Variants in AFF3 observed in about 807,000 individuals in gnomAD.
AFF3 encodes the protein AF4/FMR2 family member 3.
Under a neutral mutation model 129.7 loss-of-function variants are expected in AFF3, and 32 were observed. That is an observed-to-expected ratio of 0.25 (90% CI 0.19 to 0.33). The LOEUF is 0.33. AFF3 is among the 10% of genes least tolerant of loss of function. The probability of loss-of-function intolerance (pLI) is 1.00; values close to 1 mark genes in which losing one functional copy is unlikely to be tolerated. For missense variants in AFF3, 1,373 were observed against 1,592.0 expected (o/e 0.86, Z 2.34); for synonymous variants, 644 against 635.4 (o/e 1.01, Z -0.20).
At chr2:100,005,790 C>G (rs916762613) in intron 7 of AFF3, among the ~76,000 whole-genome samples, 1 of 152,050 alleles carries the variant, frequency 6.6e-6, no homozygotes, top group Admixed American at 6.6e-5. Context: ...TCAGCCTTGT[C>G]AAAAATGCAA....
intron 7 of AFF3, among the ~76,000 whole-genome samples, chr2:99,980,917 T>C (rs779864285): frequency 3.3e-5 from 5 of 152,232 alleles, no homozygotes; most frequent in Non-Finnish European, 5.9e-5. Flanking sequence ...TTTATAAAAT[T>C]GGGATCATCC....
At chr2:100,111,045 G>A (rs1471630704) in intron 2 of AFF3, among the ~76,000 whole-genome samples, 1 of 152,186 alleles carries the variant, frequency 6.6e-6, no homozygotes, top group Admixed American at 6.5e-5. Flanking sequence ...AGGAGCAAAA[G>A]CCACAGACTA....
At chr2:100,126,313 G>A (rs1206001485) in intron 2 of AFF3, among the ~76,000 whole-genome samples, 1 of 152,202 alleles carries the variant, frequency 6.6e-6, no homozygotes, top group Non-Finnish European at 1.5e-5. Flanking sequence ...CCAGAGGAGT[G>A]TTTACTGGGC....
chr2:99,701,958 T>C (rs1368860945), intron 11 of AFF3, among the ~76,000 whole-genome samples: 1 of 152,246 alleles, frequency 6.6e-6, no homozygotes, highest in East Asian at 1.9e-4. Flanking sequence ...TCAGCATAAA[T>C]TCCCTGAGAT....
intron 14 of AFF3, among the ~76,000 whole-genome samples, chr2:99,601,231 C>T (rs1040018743): frequency 2.6e-5 from 4 of 152,168 alleles, no homozygotes; most frequent in Admixed American, 2.6e-4. Flanking sequence ...TTCTGTACTT[C>T]AAAGGAACCT....
intron 18 of AFF3, among the ~76,000 whole-genome samples, chr2:99,571,222 A>T (rs1676448235): frequency 6.6e-6 from 1 of 152,120 alleles, no homozygotes; most frequent in Non-Finnish European, 1.5e-5. Context: ...TGAGCCAGAG[A>T]GTGTCTCCAT....
At chr2:99,624,069 G>A (rs780175400) in intron 13 of AFF3, among the ~76,000 whole-genome samples, 8 of 152,224 alleles carry the variant, frequency 5.3e-5, no homozygotes, top group Non-Finnish European at 1.0e-4. Context: ...GCTCCTGCCT[G>A]GAGCCACCGG....
Position 100,078,639 on chromosome 2 carries a change from T to C in AFF3, c.53+25763A>G, listed in dbSNP as rs111423815. Among the ~76,000 whole-genome samples the C allele has an allele frequency of 1.9e-3, 285 of 152,288 alleles. 1 individual carries two copies. Among genetic ancestry groups the C allele is most frequent in the South Asian group, 3.9e-3 (19 of 4,824 alleles). ...GTGGAATGAACTGAGTTAAATGGAC[T>C]TGTAAACATCCCTAAATGAAAGAAT... On this transcript the variant is annotated intron_variant, in intron 4 of 24. Transcript: ENST00000672756.
intron 4 of AFF3, among the ~76,000 whole-genome samples, chr2:100,090,772 G>T (rs1318884039): frequency 2.0e-5 from 3 of 152,114 alleles, no homozygotes; most frequent in Non-Finnish European, 2.9e-5. Context: ...TGCTTCCCAG[G>T]TTCAAGTGAT....
intron 4 of AFF3, among the ~76,000 whole-genome samples, chr2:100,052,951 T>C (rs1403130333): frequency 2.0e-5 from 3 of 152,210 alleles, no homozygotes; most frequent in Non-Finnish European, 2.9e-5. Context: ...AACTAATTCC[T>C]GACTTCCCCA....
At chr2:100,105,738 C>T in intron 2 of AFF3, 155 bp from the exon 3 acceptor site, 1 of 1,363,246 alleles carries the variant, frequency 7.3e-7, no homozygotes, top group South Asian at 1.2e-5. Flanking sequence ...CACAGTTGGC[C>T]TAGAACCGGA....
chr2:99,876,442 A>T (rs1182142565), intron 7 of AFF3, among the ~76,000 whole-genome samples: 2 of 152,178 alleles, frequency 1.3e-5, no homozygotes, highest in Admixed American at 1.3e-4. Context: ...TCAGTAAGTC[A>T]GGACAATTCT....
At chr2:99,654,352 T>C (rs555550533) in intron 12 of AFF3, among the ~76,000 whole-genome samples, 2 of 152,322 alleles carry the variant, frequency 1.3e-5, no homozygotes, top group South Asian at 4.1e-4. Flanking sequence ...ATTAATTGTA[T>C]ATATACCAGA....
At chr2:99,667,096 A>G (rs990445178) in intron 12 of AFF3, among the ~76,000 whole-genome samples, 1 of 152,198 alleles carries the variant, frequency 6.6e-6, no homozygotes, top group East Asian at 1.9e-4. Context: ...CATTCTTTTA[A>G]GTGCCTATAA....
At chr2:100,051,103 G>A (rs987203419) in intron 4 of AFF3, among the ~76,000 whole-genome samples, 2 of 152,022 alleles carry the variant, frequency 1.3e-5, no homozygotes, top group Non-Finnish European at 2.9e-5. Flanking sequence ...TTCTCCCCAC[G>A]GCAAAGCCCA....
intron 8 of AFF3, among the ~76,000 whole-genome samples, chr2:99,812,134 A>G (rs1309105400): frequency 2.0e-5 from 3 of 152,088 alleles, no homozygotes; most frequent in African/African-American, 4.8e-5. Flanking sequence ...TGCCCTGATG[A>G]TTAGTGTAAG....
intron 7 of AFF3, among the ~76,000 whole-genome samples, chr2:99,950,857 T>C (rs938064677): frequency 5.9e-5 from 9 of 152,170 alleles, no homozygotes; most frequent in African/African-American, 2.2e-4. Flanking sequence ...ATCCAATTTG[T>C]AGACAGAAAA....
chr2:100,023,921 T>C (rs992040367), intron 4 of AFF3, among the ~76,000 whole-genome samples: 1 of 152,152 alleles, frequency 6.6e-6, no homozygotes, highest in East Asian at 1.9e-4. Flanking sequence ...TTTAGGAATA[T>C]ACTATTCATA....
At chr2:99,706,810 A>C (rs1558769577) in intron 11 of AFF3, among the ~76,000 whole-genome samples, 3 of 152,204 alleles carry the variant, frequency 2.0e-5, no homozygotes, top group Non-Finnish European at 2.9e-5. Flanking sequence ...TTTGGCTTTG[A>C]GGGAAGCTGT....
Sources: gnomAD v4.1 joint callset for allele counts (sites outside exome capture counted in the v4.1 genomes callset) on GRCh38, gnomAD v4.1.1 for gene constraint, MANE v1.5 for transcripts, NCBI Gene and HGNC (gene_info 2026-07-23, HGNC 2026-07-21) for gene names.